The following FBXO4 variants were observed in gnomAD, a reference collection of about 807,000 sequenced individuals.
The protein encoded by FBXO4 is F-box only protein 4.
A neutral mutation model predicts 43.7 loss-of-function variants in FBXO4; 36 were observed. The observed-to-expected ratio is 0.82, with a 90% CI of 0.63 to 1.09. FBXO4 has a LOEUF of 1.09. Ranked by LOEUF, FBXO4 falls within the 50% of genes least tolerant of loss-of-function variation. The pLI, the probability that FBXO4 is intolerant of heterozygous loss-of-function variation, is 0.00. For synonymous variants in FBXO4, 180 were observed against 165.6 expected (o/e 1.09, Z -0.67); for missense variants, 435 against 474.1 (o/e 0.92, Z 0.77).
At chr5:41,993,215 T>A in the FBXO4 span, among the ~76,000 whole-genome samples, 1 of 152,162 alleles carries the variant, frequency 6.6e-6, no homozygotes, top group East Asian at 1.9e-4. Flanking sequence ...CTCTTCTTCA[T>A]GAAGCTTGAT....
chr5:41,969,867 G>T, the FBXO4 span, among the ~76,000 whole-genome samples: 2 of 151,976 alleles, frequency 1.3e-5, no homozygotes, highest in African/African-American at 4.8e-5. Context: ...ATGTGTGTGT[G>T]TTGTGAAAAA....
the FBXO4 span, among the ~76,000 whole-genome samples, chr5:42,010,315 T>C: frequency 3.3e-5 from 5 of 152,074 alleles, no homozygotes; most frequent in Non-Finnish European, 5.9e-5. Context: ...CTGGTCAAGA[T>C]GGTGAAACCC....
chr5:41,977,803 C>T, the FBXO4 span, among the ~76,000 whole-genome samples: 1 of 152,148 alleles, frequency 6.6e-6, no homozygotes, highest in African/African-American at 2.4e-5. Context: ...ATATTCCAAA[C>T]TTTTCCTCAT....
chr5:41,970,609 A>G, the FBXO4 span, among the ~76,000 whole-genome samples: 992 of 152,000 alleles, frequency 6.5e-3, 41 homozygotes, highest in East Asian at 0.12. Flanking sequence ...GTTTTTAACC[A>G]CAAGGAAAAA....
chr5:41,984,864 T>G, the FBXO4 span, among the ~76,000 whole-genome samples: 145 of 152,316 alleles, frequency 9.5e-4, no homozygotes, highest in African/African-American at 3.4e-3. Flanking sequence ...CTGTCTCTGT[T>G]GACACCCTGA....
At chr5:41,936,554 A>T (rs1026762555) in intron 5 of FBXO4, among the ~76,000 whole-genome samples, 1 of 152,108 alleles carries the variant, frequency 6.6e-6, no homozygotes, top group Non-Finnish European at 1.5e-5. Context: ...AAAATGAGAG[A>T]TTGAGAGAGA....
chr5:41,928,955 C>T (rs1751595684), intron 2 of FBXO4, among the ~76,000 whole-genome samples: 1 of 152,176 alleles, frequency 6.6e-6, no homozygotes, highest in Non-Finnish European at 1.5e-5. Context: ...AATTGTTTTA[C>T]ATCATTCTTA....
At chr5:42,032,473 C>G in the FBXO4 span, among the ~76,000 whole-genome samples, 2 of 152,160 alleles carry the variant, frequency 1.3e-5, no homozygotes, top group African/African-American at 4.8e-5. Flanking sequence ...TCTTCCCTCC[C>G]ACTTCCCAAG....
the FBXO4 span, among the ~76,000 whole-genome samples, chr5:42,018,195 T>C: frequency 2.7e-5 from 4 of 150,132 alleles, no homozygotes; most frequent in East Asian, 7.7e-4. Flanking sequence ...TGTAATATTA[T>C]ATGTATTATA....
the FBXO4 span, among the ~76,000 whole-genome samples, chr5:41,955,050 T>C: frequency 6.6e-6 from 1 of 152,182 alleles, no homozygotes; most frequent in Non-Finnish European, 1.5e-5. Context: ...AATGCAGGAA[T>C]GTCTGGTCCT....
the FBXO4 span, among the ~76,000 whole-genome samples, chr5:41,952,402 G>C: frequency 1.3e-5 from 2 of 152,096 alleles, no homozygotes; most frequent in East Asian, 3.8e-4. Context: ...TATAAAAATT[G>C]ACTAATTTAT....
chr5:42,007,739 C>A, the FBXO4 span, among the ~76,000 whole-genome samples: 9 of 152,034 alleles, frequency 5.9e-5, no homozygotes, highest in African/African-American at 1.9e-4. Context: ...AGCATTATTG[C>A]AAAACTATAA....
chr5:41,925,549 A>G (rs2112563825), intron 1 of FBXO4, 51 bp downstream of exon 1: 1 of 1,267,480 alleles, frequency 7.9e-7, no homozygotes, highest in Non-Finnish European at 1.0e-6. Context: ...CCCGGGCCGG[A>G]GGGACCTCCC....
At chr5:42,009,249 T>A in the FBXO4 span, among the ~76,000 whole-genome samples, 1 of 152,254 alleles carries the variant, frequency 6.6e-6, no homozygotes, top group East Asian at 1.9e-4. Context: ...TAACTATCCA[T>A]GTCTGACAAA....
At chr5:41,964,592 G>GTT in the FBXO4 span, among the ~76,000 whole-genome samples, 245 of 135,638 alleles carry the variant, frequency 1.8e-3, 2 homozygotes, top group South Asian at 3.3e-3. Context: ...CAAGCCAAGT[G>GTT]TTTTTTTTTT....
At chr5:41,975,642 A>C in the FBXO4 span, among the ~76,000 whole-genome samples, 3 of 152,196 alleles carry the variant, frequency 2.0e-5, no homozygotes, top group Non-Finnish European at 4.4e-5. Context: ...ATACTAAACT[A>C]CTTTTATTAT....
the FBXO4 span, among the ~76,000 whole-genome samples, chr5:42,036,404 G>A: frequency 0.033 from 5,076 of 152,098 alleles, 120 homozygotes; most frequent in Non-Finnish European, 0.049. Flanking sequence ...TTGATAAAAC[G>A]TTTGATTGGA....
At chr5:41,964,315 T>C in the FBXO4 span, among the ~76,000 whole-genome samples, 5 of 152,162 alleles carry the variant, frequency 3.3e-5, no homozygotes, top group South Asian at 2.1e-4. Context: ...TTGATTTTTT[T>C]TTACTTTACT....
the FBXO4 span, among the ~76,000 whole-genome samples, chr5:41,997,820 A>G: frequency 1.3e-5 from 2 of 152,144 alleles, no homozygotes; most frequent in African/African-American, 2.4e-5. Flanking sequence ...GAAGAATGGG[A>G]AAAAGATTAA....
Sources: gnomAD v4.1 joint callset for allele counts (sites outside exome capture counted in the v4.1 genomes callset) on GRCh38, gnomAD v4.1.1 for gene constraint, MANE v1.5 for transcripts, NCBI Gene and HGNC (gene_info 2026-07-23, HGNC 2026-07-21) for gene names.